Variants in AFG2A observed in about 807,000 individuals in gnomAD.
The protein encoded by AFG2A is AAA ATPase AFG2A.
chr4:123,316,106 ATC>A, the AFG2A span: 5 of 152,162 alleles, frequency 3.3e-5, no homozygotes, highest in Non-Finnish European at 5.9e-5. Context: ...CTGAAGTCAC[ATC>A]TCAAATATTT....
chr4:122,959,577 A>G, the AFG2A span, among the ~76,000 whole-genome samples: 1,846 of 152,326 alleles, frequency 0.012, 43 homozygotes, highest in African/African-American at 0.041. Context: ...CTTTTTAACA[A>G]AAGTTGTGCA....
chr4:123,295,586 G>A, the AFG2A span, among the ~76,000 whole-genome samples: 1,096 of 152,342 alleles, frequency 7.2e-3, 9 homozygotes, highest in African/African-American at 0.024. Context: ...AGAGCCAGAC[G>A]CCGTGGCTCA....
the AFG2A span, among the ~76,000 whole-genome samples, chr4:123,144,303 A>G: frequency 6.6e-6 from 1 of 152,196 alleles, no homozygotes; most frequent in South Asian, 2.1e-4. Flanking sequence ...TTTCTAATAG[A>G]TACCTTTCTG....
the AFG2A span, among the ~76,000 whole-genome samples, chr4:123,169,390 C>T: frequency 1.3e-5 from 2 of 152,258 alleles, no homozygotes; most frequent in Non-Finnish European, 2.9e-5. Flanking sequence ...ATTAATCATC[C>T]AGTAACCCAT....
chr4:123,288,602 G>A, the AFG2A span, among the ~76,000 whole-genome samples: 1 of 152,152 alleles, frequency 6.6e-6, no homozygotes, highest in African/African-American at 2.4e-5. Flanking sequence ...GCTGTCTTAT[G>A]TTTGGCCAGC....
At chr4:122,980,350 C>G in the AFG2A span, among the ~76,000 whole-genome samples, 1 of 152,168 alleles carries the variant, frequency 6.6e-6, no homozygotes, top group Non-Finnish European at 1.5e-5. Context: ...AAATAATATT[C>G]CATTATGCCA....
the AFG2A span, among the ~76,000 whole-genome samples, chr4:123,137,041 A>G: frequency 6.6e-6 from 1 of 152,132 alleles, no homozygotes; most frequent in Admixed American, 6.5e-5. Flanking sequence ...AGATTCTCAT[A>G]AGGAGCACAC....
the AFG2A span, among the ~76,000 whole-genome samples, chr4:123,313,605 A>G: frequency 6.6e-6 from 1 of 152,240 alleles, no homozygotes; most frequent in Admixed American, 6.5e-5. Flanking sequence ...AGTTAAGAGC[A>G]AATGCCCTTA....
the AFG2A span, among the ~76,000 whole-genome samples, chr4:123,245,931 C>G: frequency 6.6e-6 from 1 of 152,208 alleles, no homozygotes; most frequent in African/African-American, 2.4e-5. Flanking sequence ...TGGGACTGAA[C>G]TGCTCTGTGA....
At chr4:123,045,224 A>C in the AFG2A span, among the ~76,000 whole-genome samples, 1 of 152,136 alleles carries the variant, frequency 6.6e-6, no homozygotes. Flanking sequence ...GAAAATTTGC[A>C]AGAACAGTCA....
the AFG2A span, among the ~76,000 whole-genome samples, chr4:123,297,237 A>G: frequency 4.6e-5 from 7 of 152,342 alleles, no homozygotes; most frequent in Admixed American, 2.0e-4. Flanking sequence ...CATAATCCAT[A>G]CTGGAATCAT....
chr4:123,075,737 C>T, the AFG2A span, among the ~76,000 whole-genome samples: 11 of 150,332 alleles, frequency 7.3e-5, no homozygotes, highest in Admixed American at 6.6e-4. Flanking sequence ...GCAGGTGGAT[C>T]ACCTGAGGTC....
chr4:123,268,227 A>G, the AFG2A span, among the ~76,000 whole-genome samples: 3 of 152,116 alleles, frequency 2.0e-5, no homozygotes, highest in Non-Finnish European at 4.4e-5. Flanking sequence ...CAAGAATAAT[A>G]TGGCCACAAA....
the AFG2A span, among the ~76,000 whole-genome samples, chr4:123,280,443 C>T: frequency 6.6e-6 from 1 of 152,144 alleles, no homozygotes; most frequent in South Asian, 2.1e-4. Flanking sequence ...CTTAAAACAA[C>T]AAATTTATTA....
chr4:122,955,124 A>C, the AFG2A span, among the ~76,000 whole-genome samples: 4 of 152,292 alleles, frequency 2.6e-5, no homozygotes, highest in South Asian at 8.3e-4. Flanking sequence ...AACAAGACAT[A>C]GGGTTTTATT....
chr4:122,951,988 G>C, the AFG2A span, among the ~76,000 whole-genome samples: 1 of 152,176 alleles, frequency 6.6e-6, no homozygotes, highest in Non-Finnish European at 1.5e-5. Flanking sequence ...CTTTGTTGCA[G>C]GTATGTAAGC....
the AFG2A span, among the ~76,000 whole-genome samples, chr4:123,228,067 G>A: frequency 6.6e-6 from 1 of 152,076 alleles, no homozygotes; most frequent in Admixed American, 6.6e-5. Context: ...TTGCTTGGTA[G>A]ATCTTCCTCC....
At chr4:123,162,159 C>T in the AFG2A span, among the ~76,000 whole-genome samples, 2 of 152,104 alleles carry the variant, frequency 1.3e-5, no homozygotes, top group Non-Finnish European at 2.9e-5. Flanking sequence ...GGATTGTGTC[C>T]GGAAGAGTGT....
At chr4:123,246,586 A>G in the AFG2A span, among the ~76,000 whole-genome samples, 377 of 152,244 alleles carry the variant, frequency 2.5e-3, 1 homozygote, top group African/African-American at 8.2e-3. Flanking sequence ...AGTGCTTCCC[A>G]AAATTTTTCA....
Sources: gnomAD v4.1 joint callset for allele counts (sites outside exome capture counted in the v4.1 genomes callset) on GRCh38, gnomAD v4.1.1 for gene constraint, MANE v1.5 for transcripts, NCBI Gene and HGNC (gene_info 2026-07-23, HGNC 2026-07-21) for gene names.